The following TMEM8B variants were observed in gnomAD, a reference collection of about 807,000 sequenced individuals.
TMEM8B encodes the protein transmembrane protein 8B, also known as nasopharyngeal carcinoma expressed 6.
Under a neutral mutation model 49.3 loss-of-function variants are expected in TMEM8B, and 29 were observed. The observed-to-expected ratio is 0.59, with a 90% CI of 0.44 to 0.80. The LOEUF (loss-of-function observed/expected upper bound fraction) is 0.80. Ranked by LOEUF, TMEM8B falls within the 30% of genes least tolerant of loss-of-function variation. The probability of loss-of-function intolerance (pLI) is 0.00; values close to 1 mark genes in which losing one functional copy is unlikely to be tolerated. For synonymous variants in TMEM8B, 264 were observed against 272.8 expected (o/e 0.97, Z 0.32); for missense variants, 575 against 658.5 (o/e 0.87, Z 1.39).
Position 35,846,378 on chromosome 9 carries a change from C to T in TMEM8B, c.1850C>T (p.Pro617Leu), listed in dbSNP as rs1831561269. The change falls in exon 8 of 13, where the codon CCT (proline) becomes CTT (leucine). Residue 617 changes from proline (P) to leucine (L), a missense_variant. By Grantham distance (98) the Pro-to-Leu change is moderately conservative. Transcript: ENST00000643932. ...LALRSLCGVGPRFVRCRNATA... is the reference protein window; with the variant it reads ...LALRSLCGVGLRFVRCRNATA... ...CTCCGCTCCCTGTGCGGGGTGGGGC[C>T]TCGGTGAGCGGTGCGGGGCGGGGCC... is the stretch of plus-strand genomic sequence containing the variant. 1 of 1,612,546 alleles carries T rather than the reference C, an allele frequency of 6.2e-7. No individual in the cohort carries two copies. Among genetic ancestry groups the T allele is most frequent in the Non-Finnish European group, 8.5e-7 (1 of 1,179,510 alleles).
chr9:35,848,665 T>C (rs1422521883), intron 10 of TMEM8B, among the ~76,000 whole-genome samples: 2 of 146,374 alleles, frequency 1.4e-5, no homozygotes, highest in African/African-American at 2.5e-5. Context: ...TTTCTTTCTT[T>C]GTTTTTTTTC....
chr9:35,859,106 C>G lies in TMEM8B; in HGVS notation c.*5266C>G, dbSNP rs1191982523. 2 of 155,316 alleles carry G rather than the reference C, an allele frequency of 1.3e-5. No individual in the cohort carries two copies. The highest frequency in any genetic ancestry group is 4.8e-5 in the African/African-American group (2 of 41,498). 9.6% of individuals were successfully genotyped at this position (155,316 alleles called of 1,614,324 possible). ...GCAGAGTTAGGACGGCAGCTTTCAC[C>G]TCTGCATTCCTCAGGCTGTAAATGA... is the stretch of plus-strand genomic sequence containing the variant. On this transcript the variant is annotated 3_prime_UTR_variant, in exon 13 of 13. Transcript: ENST00000643932.
At position 35,846,965 on chromosome 9, in the gene TMEM8B, A is replaced by C; in HGVS notation, c.2145A>C (p.Ala715=). The C allele has an allele frequency of 6.2e-7, 1 of 1,614,194 alleles. No homozygotes were observed. Residue 715 remains alanine, a synonymous_variant, in exon 10 of 13, where the codon GCA becomes GCC. Coordinates refer to ENST00000643932, the MANE Select transcript of TMEM8B (RefSeq NM_001042590.4). ...AIRSRYVLEA[A]VYTFTMFFST... ...GGAGTCGATATGTGCTGGAAGCTGC[A>C]GTCTACACCTTCACCATGTTCTTCT...
intron 1 of TMEM8B, among the ~76,000 whole-genome samples, chr9:35,833,550 G>C (rs893466987): frequency 6.6e-6 from 1 of 152,144 alleles, no homozygotes; most frequent in African/African-American, 2.4e-5. Context: ...TGACAATCAT[G>C]ATCAGGTATC....
chr9:35,849,181 G>A (rs1831914999), intron 10 of TMEM8B, among the ~76,000 whole-genome samples: 1 of 151,996 alleles, frequency 6.6e-6, no homozygotes, highest in African/African-American at 2.4e-5. Context: ...AGGACCCATT[G>A]GTCAAATTGC....
intron 6 of TMEM8B, chr9:35,845,706 A>G (rs1831455447): frequency 2.0e-6 from 2 of 985,364 alleles, no homozygotes; most frequent in Non-Finnish European, 2.4e-6. Flanking sequence ...TTGCTTGGAC[A>G]GAATTGAAAC....
At chr9:35,831,304 G>A (rs1424895932) in intron 1 of TMEM8B, among the ~76,000 whole-genome samples, 1 of 152,116 alleles carries the variant, frequency 6.6e-6, no homozygotes, top group Non-Finnish European at 1.5e-5. Context: ...ATGAAGGGGA[G>A]GGGACATGTT....
chr9:35,832,823 A>G (rs1830042904), intron 1 of TMEM8B, among the ~76,000 whole-genome samples: 1 of 152,000 alleles, frequency 6.6e-6, no homozygotes, highest in Non-Finnish European at 1.5e-5. Context: ...TCTGCCTCCT[A>G]CTTAGCACAG....
intron 3 of TMEM8B, 144 bp from the exon 4 acceptor site, chr9:35,840,990 A>G (rs1830928679): frequency 2.5e-6 from 1 of 406,136 alleles, no homozygotes; most frequent in East Asian, 3.6e-5. Context: ...AGGACCTGGA[A>G]TTTAGAGAGA....
chr9:35,843,861 C>T (rs958465973), intron 6 of TMEM8B, among the ~76,000 whole-genome samples: 1 of 151,928 alleles, frequency 6.6e-6, no homozygotes, highest in Non-Finnish European at 1.5e-5. Context: ...TTCGCAGGTT[C>T]AAGTGATTCT....
At chr9:35,831,072 C>T (rs901414325) in intron 1 of TMEM8B, among the ~76,000 whole-genome samples, 4 of 152,136 alleles carry the variant, frequency 2.6e-5, no homozygotes, top group African/African-American at 9.7e-5. Flanking sequence ...TATCAGTGAG[C>T]TCTGGGGGCC....
Position 35,862,948 on chromosome 9 carries a change from A to G in TMEM8B, c.*9108A>G, listed in dbSNP as rs771048623. On this transcript the variant is annotated 3_prime_UTR_variant, in exon 13 of 13. Transcript: ENST00000643932. ...GACCCGCAGCCAGGAGGTGTCAGTGATTGCCATTTGAGTTGAACTATTTAT... is the reference window on the plus strand; with the variant it reads ...GACCCGCAGCCAGGAGGTGTCAGTGGTTGCCATTTGAGTTGAACTATTTAT... The G allele has an allele frequency of 6.6e-6, 1 of 152,192 alleles. No individual in the cohort carries two copies. The highest frequency in any genetic ancestry group is 1.5e-5 in the Non-Finnish European group (1 of 68,040). 9.4% of individuals were successfully genotyped at this position (152,192 alleles called of 1,614,324 possible). A position where few individuals can be genotyped will look rare whatever the true frequency, so the allele number is the denominator to read the frequency against.
intron 10 of TMEM8B, among the ~76,000 whole-genome samples, chr9:35,850,226 C>T (rs2132379781): frequency 6.6e-6 from 1 of 152,248 alleles, no homozygotes; most frequent in African/African-American, 2.4e-5. Flanking sequence ...ATTAGATGCA[C>T]TGTTACAAAA....
In TMEM8B at chr9:35,861,573, A is replaced by G. The variant is rs1357472795; in HGVS notation, c.*7733A>G. 6.5e-6 allele frequency: 1 copy of G among 152,804 alleles called. No homozygotes were observed. Among genetic ancestry groups the G allele is most frequent in the Non-Finnish European group, 1.5e-5 (1 of 68,362 alleles). 9.5% of individuals were successfully genotyped at this position (152,804 alleles called of 1,614,324 possible). A position where few individuals can be genotyped will look rare whatever the true frequency, so the allele number is the denominator to read the frequency against. On this transcript the variant is annotated 3_prime_UTR_variant, in exon 13 of 13. Transcript: ENST00000643932. ...CAAGTGCTGCCAATAGCAGGCACCCAGCAGATAGCGAATGCACGACTCCAA... is the reference window on the plus strand; with the variant it reads ...CAAGTGCTGCCAATAGCAGGCACCCGGCAGATAGCGAATGCACGACTCCAA...
chr9:35,846,629 G>T lies in TMEM8B; in HGVS notation c.1996+18G>T. The T allele has an allele frequency of 6.4e-7, 1 of 1,573,824 alleles. No homozygotes were observed. On this transcript the variant is annotated intron_variant, in intron 9 of 12. Transcript: ENST00000643932. ...CAAGGCCGGTGAGCAGGCTGGCGAG[G>T]GAGCGGGCTGCGGTGGACTGGAGGT...
In TMEM8B at chr9:35,841,336, C is replaced by G; in HGVS notation, c.1040+69C>G. 1 of 416,586 alleles carries G rather than the reference C, an allele frequency of 2.4e-6. No individual in the cohort carries two copies. Among genetic ancestry groups the G allele is most frequent in the Non-Finnish European group, 4.4e-6 (1 of 227,564 alleles). 25.8% of individuals were successfully genotyped at this position (416,586 alleles called of 1,614,324 possible). On this transcript the variant is annotated intron_variant, in intron 4 of 12. Transcript: ENST00000643932. The surrounding 1 kb of genome is among the most constrained non-coding windows in gnomAD (Gnocchi z 5.9). ...GGCCTCATACAGGCTGCAGGGTTCT[C>G]TCTTGGCTTCTCCACCTACCTGCCT...
chr9:35,835,119 C>T lies in TMEM8B; in HGVS notation c.807C>T (p.Pro269=). 2.4e-6 allele frequency: 1 copy of T among 415,892 alleles called. No homozygotes were observed. The allele number at this position is 415,892 out of a possible 1,614,324, so 25.8% of individuals were successfully genotyped here. A position where few individuals can be genotyped will look rare whatever the true frequency, so the allele number is the denominator to read the frequency against. ...VFSLTLSWTL[P]NRTSGIFNVS... ...CACTGACCCTCAGCTGGACACTGCC[C>T]AACCGCACCTCAGGCATCTTTAACG... is the stretch of plus-strand genomic sequence containing the variant. The change falls in exon 3 of 13, where the codon CCC becomes CCT. Residue 269 remains proline, a synonymous_variant. Transcript: ENST00000643932.
chr9:35,853,915 A>T lies in TMEM8B; in HGVS notation c.*75A>T, dbSNP rs1189300363. ...CTTTCTGGGGGTGTGGAGCCCTCTT[A>T]GAAGGAGACAGGCTGTATTTCTTGA... is the stretch of plus-strand genomic sequence containing the variant. On this transcript the variant is annotated 3_prime_UTR_variant, in exon 13 of 13. Transcript: ENST00000643932. The surrounding 1 kb of genome is among the most constrained non-coding windows in gnomAD (Gnocchi z 4.2). The T allele has an allele frequency of 1.5e-5, 22 of 1,462,268 alleles. No homozygotes were observed. The highest frequency in any genetic ancestry group is 2.0e-5 in the Non-Finnish European group (22 of 1,112,518). The allele number at this position is 1,462,268 out of a possible 1,614,324, so 90.6% of individuals were successfully genotyped here.
In TMEM8B at chr9:35,857,600, T is replaced by G. The variant is rs1444651236; in HGVS notation, c.*3760T>G. 2 of 152,268 alleles carry G rather than the reference T, an allele frequency of 1.3e-5. No homozygotes were observed. Among genetic ancestry groups the G allele is most frequent in the African/African-American group, 4.8e-5 (2 of 41,440 alleles). 9.4% of individuals were successfully genotyped at this position (152,268 alleles called of 1,614,324 possible). A position where few individuals can be genotyped will look rare whatever the true frequency, so the allele number is the denominator to read the frequency against. On this transcript the variant is annotated 3_prime_UTR_variant, in exon 13 of 13. Coordinates refer to ENST00000643932, the MANE Select transcript of TMEM8B (RefSeq NM_001042590.4). ...TTCTGGAGGGCCTTGAGGATTCAACTGAAGAATTTGGACTTAATGGTAATG... is the reference window on the plus strand; with the variant it reads ...TTCTGGAGGGCCTTGAGGATTCAACGGAAGAATTTGGACTTAATGGTAATG...
Sources: gnomAD v4.1 joint callset for allele counts (sites outside exome capture counted in the v4.1 genomes callset) on GRCh38, gnomAD v4.1.1 for gene constraint, Gnocchi (gnomAD v3.1) non-coding constraint, MANE v1.5 for transcripts, NCBI Gene and HGNC (gene_info 2026-07-23, HGNC 2026-07-21) for gene names.